Variants in CHD7 observed in about 807,000 individuals in gnomAD.
The protein encoded by CHD7 is ATP-dependent chromatin remodeler CHD7.
Under a neutral mutation model 307.3 loss-of-function variants are expected in CHD7, and 24 were observed. The observed-to-expected ratio is 0.08, with a 90% CI of 0.06 to 0.11. The LOEUF is 0.11. Ranked by LOEUF, CHD7 falls within the 10% of genes least tolerant of loss-of-function variation. CHD7 has a pLI of 1.00. For missense variants in CHD7, 3,106 were observed against 3,727.1 expected (o/e 0.83, Z 4.34); for synonymous variants, 1,363 against 1,349.9 (o/e 1.01, Z -0.21).
chr8:60,721,989 CT>C (rs1414021670), intron 1 of CHD7, among the ~76,000 whole-genome samples: 3 of 152,118 alleles, frequency 2.0e-5, no homozygotes, highest in African/African-American at 4.8e-5. Context: ...ATGTTGCATT[CT>C]TTTTGCAAAA....
At chr8:60,787,622 T>C (rs1488072388) in intron 3 of CHD7, among the ~76,000 whole-genome samples, 1 of 152,180 alleles carries the variant, frequency 6.6e-6, no homozygotes, top group Non-Finnish European at 1.5e-5. Context: ...TTTTTATTTG[T>C]AGCCCTGACT....
chr8:60,800,456 T>C lies in CHD7; in HGVS notation c.2307T>C (p.Asp769=), dbSNP rs574260169. 1.5e-5 allele frequency: 25 copies of C among 1,613,800 alleles called. No homozygotes were observed. In the Middle Eastern group the frequency reaches 8.2e-4, roughly 53 times the overall value. The change falls in exon 5 of 38, where the codon GAT becomes GAC. Residue 769 remains aspartate (D), a synonymous_variant. Transcript: ENST00000423902. ...YTEDLEFKIS[D]EEADDADAAG... ...AAGACCTGGAGTTCAAGATTTCTGA[T>C]GAGGAGGCAGATGATGCAGATGCTG...
At position 60,841,754 on chromosome 8, in the gene CHD7, GGTGA is replaced by G. The variant is rs1422073182; in HGVS notation, c.4644+3_4644+6del. 2 of 1,604,198 alleles carry G rather than the reference GGTGA, an allele frequency of 1.2e-6. No homozygotes were observed. Among genetic ancestry groups the G allele is most frequent in the Admixed American group, 1.7e-5 (1 of 59,902 alleles). ...TGGATATTGATGCCTTAAATGGGAG[GGTGA>G]GTAAGAAGTCCCATTCGAACACCTA... is the stretch of plus-strand genomic sequence containing the variant. On this transcript the variant is annotated splice_donor_variant and splice_donor_region_variant and intron_variant, in intron 20 of 37. Coordinates refer to ENST00000423902, the MANE Select transcript of CHD7 (RefSeq NM_017780.4). LOFTEE classifies it high-confidence loss of function.
At chr8:60,710,713 C>T (rs1188953211) in intron 1 of CHD7, among the ~76,000 whole-genome samples, 1 of 152,182 alleles carries the variant, frequency 6.6e-6, no homozygotes, top group Non-Finnish European at 1.5e-5. Context: ...ATGTGTACCT[C>T]AGAGAGCAGT....
intron 2 of CHD7, among the ~76,000 whole-genome samples, chr8:60,768,285 T>C (rs1235099858): frequency 2.0e-5 from 3 of 152,228 alleles, no homozygotes; most frequent in African/African-American, 7.2e-5. Context: ...AGAGACTTTA[T>C]AGAGATCAGT....
At chr8:60,794,725 G>T (rs998744399) in intron 3 of CHD7, among the ~76,000 whole-genome samples, 2 of 152,134 alleles carry the variant, frequency 1.3e-5, no homozygotes, top group African/African-American at 4.8e-5. Flanking sequence ...TATACTGGCA[G>T]GCATTTTGCA....
At chr8:60,847,272 T>A (rs1006386008) in intron 23 of CHD7, among the ~76,000 whole-genome samples, 1 of 152,112 alleles carries the variant, frequency 6.6e-6, no homozygotes, top group African/African-American at 2.4e-5. Flanking sequence ...GAATCCTAGT[T>A]GTTATTTTGA....
intron 27 of CHD7, 40 bp from the exon 28 acceptor site, chr8:60,851,222 C>A: frequency 6.5e-7 from 1 of 1,534,156 alleles, no homozygotes; most frequent in Non-Finnish European, 8.8e-7. Context: ...AAAATGAGAC[C>A]CCAAATTAAA....
At chr8:60,743,529 T>G (rs1458675254) in intron 2 of CHD7, among the ~76,000 whole-genome samples, 2 of 152,232 alleles carry the variant, frequency 1.3e-5, no homozygotes, top group African/African-American at 4.8e-5. Context: ...CCTTTTATAT[T>G]GTGATATTTT....
chr8:60,849,192 T>C, intron 25 of CHD7, 38 bp downstream of exon 25: 1 of 1,301,832 alleles, frequency 7.7e-7, no homozygotes, highest in Non-Finnish European at 1.1e-6. Context: ...CTCAACTGTA[T>C]GGCTTGGTCT....
Position 60,841,785 on chromosome 8 carries a change from C to G in CHD7, c.4644+31C>G, listed in dbSNP as rs199706699. 1.9e-4 allele frequency: 303 copies of G among 1,605,018 alleles called. 1 individual carries two copies. Among genetic ancestry groups the G allele is most frequent in the Admixed American group, 3.5e-4 (21 of 59,906 alleles). On this transcript the variant is annotated intron_variant, in intron 20 of 37. Coordinates refer to ENST00000423902, the MANE Select transcript of CHD7 (RefSeq NM_017780.4). ...TAAGAAGTCCCATTCGAACACCTAT[C>G]TGATCTAAACCAAGAGCCACTCTTT...
At chr8:60,764,647 A>G (rs1810380219) in intron 2 of CHD7, among the ~76,000 whole-genome samples, 2 of 152,232 alleles carry the variant, frequency 1.3e-5, no homozygotes, top group African/African-American at 4.8e-5. Context: ...TTCATTCACC[A>G]GTCAACATTG....
rs376806146 is a variant in CHD7, at chr8:60,851,086, G to A, written c.5589G>A (p.Pro1863=). 37 of 1,570,928 alleles carry A rather than the reference G, an allele frequency of 2.4e-5. No individual in the cohort carries two copies. Among genetic ancestry groups the A allele is most frequent in the Admixed American group, 5.6e-5 (3 of 53,554 alleles). ...EDPEYKPTRT[P]FKDEIDEFAN... Reference sequence around the variant, plus strand: ...CAGAATATAAACCAACCAGAACACCGTTCAAAGATGAAATAGATGTATGAA... The same window carrying A: ...CAGAATATAAACCAACCAGAACACCATTCAAAGATGAAATAGATGTATGAA... Residue 1863 remains proline, a synonymous_variant, in exon 27 of 38, where the codon CCG becomes CCA. Coordinates refer to ENST00000423902, the MANE Select transcript of CHD7 (RefSeq NM_017780.4).
intron 4 of CHD7, among the ~76,000 whole-genome samples, chr8:60,797,453 GAAGA>G (rs2150702782): frequency 6.6e-6 from 1 of 152,282 alleles, no homozygotes; most frequent in East Asian, 1.9e-4. Context: ...TATTTAAAAA[GAAGA>G]AAGCACACTG....
chr8:60,770,105 C>A (rs1432369746), intron 2 of CHD7, among the ~76,000 whole-genome samples: 1 of 152,196 alleles, frequency 6.6e-6, no homozygotes, highest in Non-Finnish European at 1.5e-5. Flanking sequence ...GCTTAACTGC[C>A]TAACCACTGC....
intron 15 of CHD7, among the ~76,000 whole-genome samples, chr8:60,832,214 G>C (rs1325601364): frequency 6.6e-6 from 1 of 151,952 alleles, no homozygotes; most frequent in Non-Finnish European, 1.5e-5. Context: ...TTGTAGAGAC[G>C]GGGTTTCTCC....
intron 1 of CHD7, among the ~76,000 whole-genome samples, chr8:60,697,615 C>A (rs974897545): frequency 6.6e-6 from 1 of 152,030 alleles, no homozygotes; most frequent in African/African-American, 2.4e-5. Flanking sequence ...AAGATGTATT[C>A]TATTTCTGAT....
At chr8:60,826,574 G>A (rs1804262720) in intron 13 of CHD7, among the ~76,000 whole-genome samples, 1 of 152,210 alleles carries the variant, frequency 6.6e-6, no homozygotes, top group Non-Finnish European at 1.5e-5. Context: ...ACTCAGTTGC[G>A]ATGAAAATGC....
intron 1 of CHD7, among the ~76,000 whole-genome samples, 166 bp from the exon 2 acceptor site, chr8:60,741,093 T>G (rs1011005714): frequency 2.0e-5 from 3 of 152,222 alleles, no homozygotes; most frequent in Non-Finnish European, 2.9e-5. Context: ...CTAATGAGTT[T>G]CTCTTAAAGT....
Sources: allele counts gnomAD v4.1 joint callset (sites outside exome capture counted in the v4.1 genomes callset), GRCh38; gene constraint gnomAD v4.1.1; transcripts MANE v1.5; gene names NCBI Gene and HGNC (gene_info 2026-07-23, HGNC 2026-07-21).